The following SLC4A4 variants were observed in gnomAD, a reference collection of about 807,000 sequenced individuals.
SLC4A4 encodes the protein solute carrier family 4 member 4.
SLC4A4 carries 27 observed loss-of-function variants against 111.5 expected under a neutral mutation model. The observed-to-expected ratio is 0.24, with a 90% CI of 0.18 to 0.33. The LOEUF is 0.33. Among genes scored for constraint, SLC4A4 ranks in the 10% least tolerant of loss-of-function variants. SLC4A4 has a pLI of 1.00. For synonymous variants in SLC4A4, 443 were observed against 463.4 expected (o/e 0.96, Z 0.57); for missense variants, 909 against 1,315.5 (o/e 0.69, Z 4.78).
intron 3 of SLC4A4, among the ~76,000 whole-genome samples, chr4:71,332,661 T>G (rs557720346): frequency 6.6e-6 from 1 of 152,068 alleles, no homozygotes; most frequent in Admixed American, 6.5e-5. Context: ...CTCGATCTCC[T>G]GACCTCGTGA....
At chr4:71,125,133 T>C (rs1055051885) in intron 2 of SLC4A4, among the ~76,000 whole-genome samples, 2 of 152,224 alleles carry the variant, frequency 1.3e-5, no homozygotes, top group African/African-American at 4.8e-5. Flanking sequence ...TATGGACTTA[T>C]TATTTGATTT....
At position 71,357,207 on chromosome 4, in the gene SLC4A4, G is replaced by A. The variant is rs1435918319; in HGVS notation, c.730+20G>A. 1.1e-5 allele frequency: 17 copies of A among 1,611,824 alleles called. No homozygotes were observed. Among genetic ancestry groups the A allele is most frequent in the African/African-American group, 1.3e-5 (1 of 74,874 alleles). ...ATAATGGTAATGCAGAGGCCAGCTGGCTGCTGCTTTCTCTTACTTATTTCA... is the reference window on the plus strand; with the variant it reads ...ATAATGGTAATGCAGAGGCCAGCTGACTGCTGCTTTCTCTTACTTATTTCA... On this transcript the variant is annotated intron_variant, in intron 6 of 25. Coordinates refer to ENST00000264485, the MANE Select transcript of SLC4A4 (RefSeq NM_001098484.3).
rs188802712 is a variant in SLC4A4, at chr4:71,376,264, C to T, written c.730+19077C>T. On this transcript the variant is annotated intron_variant, in intron 6 of 25. Transcript: ENST00000264485. Reference sequence around the variant, plus strand: ...TCACCCAGGCTGGAGTGCAGTGGCGCGATATCGGCTCACTGCAAGCTCTGC... The same window carrying T: ...TCACCCAGGCTGGAGTGCAGTGGCGTGATATCGGCTCACTGCAAGCTCTGC... 5.2e-4 allele frequency among the ~76,000 whole-genome samples: 79 copies of T among 151,164 alleles called. 1 individual carries two copies. The highest frequency in any genetic ancestry group is 1.8e-3 in the African/African-American group (74 of 41,230).
At chr4:71,492,117 C>G (rs1729987059) in intron 15 of SLC4A4, among the ~76,000 whole-genome samples, 1 of 151,446 alleles carries the variant, frequency 6.6e-6, no homozygotes, top group Non-Finnish European at 1.5e-5. Flanking sequence ...CCGAGAAAGT[C>G]AAGTGTAAAA....
chr4:71,199,737 A>G (rs1340747061), intron 1 of SLC4A4, among the ~76,000 whole-genome samples: 1 of 151,946 alleles, frequency 6.6e-6, no homozygotes, highest in African/African-American at 2.4e-5. Flanking sequence ...GCAACCTCCA[A>G]CCTCCTAGGT....
chr4:71,341,041 C>G (rs1420066015), intron 4 of SLC4A4, among the ~76,000 whole-genome samples: 2 of 152,112 alleles, frequency 1.3e-5, no homozygotes, highest in Non-Finnish European at 2.9e-5. Flanking sequence ...TTGTTGGTCT[C>G]TCATTGTCAT....
chr4:71,433,598 A>G (rs965327432), intron 7 of SLC4A4, among the ~76,000 whole-genome samples: 3 of 152,048 alleles, frequency 2.0e-5, no homozygotes, highest in African/African-American at 7.2e-5. Context: ...GTTCACTCTG[A>G]TGATAGTTTC....
intron 1 of SLC4A4, among the ~76,000 whole-genome samples, chr4:71,222,915 T>G (rs1376618577): frequency 6.6e-6 from 1 of 152,178 alleles, no homozygotes; most frequent in African/African-American, 2.4e-5. Flanking sequence ...TCATACCATG[T>G]AGTGGGTTTG....
At chr4:71,471,434 A>G (rs1445239823) in intron 13 of SLC4A4, among the ~76,000 whole-genome samples, 2 of 152,036 alleles carry the variant, frequency 1.3e-5, no homozygotes, top group South Asian at 2.1e-4. Context: ...GTATCAGGCA[A>G]AAACTTACCT....
At chr4:71,515,267 T>C (rs1419821136) in intron 16 of SLC4A4, among the ~76,000 whole-genome samples, 1 of 152,104 alleles carries the variant, frequency 6.6e-6, no homozygotes, top group African/African-American at 2.4e-5. Flanking sequence ...AATTTCTATA[T>C]ATTTTTATAA....
chr4:71,477,605 A>G (rs931118449), intron 14 of SLC4A4, among the ~76,000 whole-genome samples: 24 of 151,836 alleles, frequency 1.6e-4, no homozygotes, highest in African/African-American at 5.8e-4. Context: ...TGTATATTAT[A>G]CATAGTCATT....
At chr4:71,115,255 G>A (rs1168502412) in intron 2 of SLC4A4, among the ~76,000 whole-genome samples, 1 of 151,064 alleles carries the variant, frequency 6.6e-6, no homozygotes, top group Non-Finnish European at 1.5e-5. Flanking sequence ...GTTAGTGGGT[G>A]CAGCACACCA....
chr4:71,556,694 T>C lies in SLC4A4; in HGVS notation c.2764-1018T>C, dbSNP rs140098731. 3.5e-3 allele frequency among the ~76,000 whole-genome samples: 534 copies of C among 152,028 alleles called. 2 individuals carry two copies. The highest frequency in any genetic ancestry group is 0.012 in the African/African-American group (515 of 41,534). ...AGATTTCATTTAGAAAATTTTGTAATTTGTAAAGAAATTTTGTAACCCAAA... is the reference window on the plus strand; with the variant it reads ...AGATTTCATTTAGAAAATTTTGTAACTTGTAAAGAAATTTTGTAACCCAAA... On this transcript the variant is annotated intron_variant, in intron 21 of 25. Transcript: ENST00000264485.
At chr4:71,525,924 C>T (rs547511864) in intron 16 of SLC4A4, among the ~76,000 whole-genome samples, 65 of 151,848 alleles carry the variant, frequency 4.3e-4, no homozygotes, top group African/African-American at 1.3e-3. Flanking sequence ...TTTCTAAATG[C>T]GCTTAAAACT....
At chr4:71,470,634 G>A (rs1727780792) in intron 13 of SLC4A4, among the ~76,000 whole-genome samples, 1 of 152,034 alleles carries the variant, frequency 6.6e-6, no homozygotes, top group Admixed American at 6.6e-5. Flanking sequence ...GTATTAGCCA[G>A]TGTTCTCCAG....
intron 14 of SLC4A4, among the ~76,000 whole-genome samples, chr4:71,485,156 C>A (rs1271856420): frequency 6.6e-6 from 1 of 151,746 alleles, no homozygotes; most frequent in African/African-American, 2.4e-5. Context: ...ATTGCCCTGG[C>A]CATTACTTCC....
At chr4:71,543,604 A>G (rs1018635674) in intron 18 of SLC4A4, among the ~76,000 whole-genome samples, 2 of 152,058 alleles carry the variant, frequency 1.3e-5, no homozygotes, top group Non-Finnish European at 2.9e-5. Context: ...TTTTAGTGGA[A>G]ATAGATCCAG....
intron 16 of SLC4A4, among the ~76,000 whole-genome samples, chr4:71,516,648 G>A (rs1732426569): frequency 1.3e-5 from 2 of 152,142 alleles, no homozygotes; most frequent in Non-Finnish European, 2.9e-5. Flanking sequence ...GCAGCCGACT[G>A]TGTAAGGGAT....
At chr4:71,472,029 G>C (rs926946089) in intron 13 of SLC4A4, among the ~76,000 whole-genome samples, 1 of 151,864 alleles carries the variant, frequency 6.6e-6, no homozygotes, top group African/African-American at 2.4e-5. Flanking sequence ...GTGGCACACT[G>C]TCCACACACA....
Sources: gnomAD v4.1 joint callset for allele counts (sites outside exome capture counted in the v4.1 genomes callset) on GRCh38, gnomAD v4.1.1 for gene constraint, MANE v1.5 for transcripts, NCBI Gene and HGNC (gene_info 2026-07-23, HGNC 2026-07-21) for gene names.